DYNC2H1: variants seen among roughly 807,000 people sequenced by gnomAD.
DYNC2H1 encodes the protein cytoplasmic dynein 2 heavy chain 1.
DYNC2H1 carries 410 observed loss-of-function variants against 570.0 expected under a neutral mutation model. That is an observed-to-expected ratio of 0.72 (90% CI 0.66 to 0.78). The LOEUF (loss-of-function observed/expected upper bound fraction) is 0.78, where lower values mean the gene tolerates loss of function less well. Ranked by LOEUF, DYNC2H1 falls within the 30% of genes least tolerant of loss-of-function variation. The pLI, the probability that DYNC2H1 is intolerant of heterozygous loss-of-function variation, is 0.00. For missense variants in DYNC2H1, 4,865 were observed against 5,046.4 expected, an observed-to-expected ratio of 0.96 and a Z score of 1.09; for synonymous variants, 1,688 against 1,677.6, an observed-to-expected ratio of 1.01 and a Z score of -0.15.
rs1279044292 is a variant in DYNC2H1 at position 103,170,656 on chromosome 11, G to A, written c.5152-230G>A. Among the ~76,000 whole-genome samples, 1 of 152,064 alleles carries A rather than the reference G, an allele frequency of 6.6e-6. No homozygotes were observed. The highest frequency in any genetic ancestry group is 6.5e-5 in the Admixed American group (1 of 15,274). On this transcript the variant is annotated intron_variant, in intron 33 of 88. Transcript: ENST00000375735. The surrounding 1 kb of genome is among the most constrained non-coding windows in gnomAD (Gnocchi z 4.8). ...TTAAAGAGTAACTAACACAAATCTT[G>A]TATTTTTTCTGCAAGCTTTTTAGAA...
Position 103,465,889 on chromosome 11 carries a change from T to TA in DYNC2H1, c.12649-2696dup, listed in dbSNP as rs905281877. Among the ~76,000 whole-genome samples the TA allele has an allele frequency of 4.3e-4, 66 of 152,144 alleles. 1 individual carries two copies. The highest frequency in any genetic ancestry group is 1.5e-3 in the African/African-American group (64 of 41,436). ...CCACATTCTATTGGTCAAAGCAATT[T>TA]AAAAGACCAGCCCAAGTTCAAGGGG... On this transcript the variant is annotated intron_variant, in intron 87 of 88. Coordinates refer to ENST00000375735, the MANE Select transcript of DYNC2H1 (RefSeq NM_001377.3). The surrounding 1 kb of genome is among the most constrained non-coding windows in gnomAD (Gnocchi z 4.9).
chr11:103,216,083 G>A (rs1005248651), intron 55 of DYNC2H1, among the ~76,000 whole-genome samples: 3 of 152,082 alleles, frequency 2.0e-5, no homozygotes, highest in South Asian at 2.1e-4. Context: ...TGCAACTTAT[G>A]TAAACTCTTT....
intron 17 of DYNC2H1, among the ~76,000 whole-genome samples, chr11:103,137,684 G>T (rs1254731313): frequency 1.3e-5 from 2 of 151,806 alleles, no homozygotes; most frequent in East Asian, 3.9e-4. Context: ...TTGTTCTTTT[G>T]GCTTAGGATT....
At chr11:103,339,725 C>A (rs1364085086) in intron 82 of DYNC2H1, among the ~76,000 whole-genome samples, 1 of 152,220 alleles carries the variant, frequency 6.6e-6, no homozygotes, top group Non-Finnish European at 1.5e-5. Context: ...CAGTGCAGCA[C>A]TGGGGCTTGC....
intron 11 of DYNC2H1, among the ~76,000 whole-genome samples, chr11:103,123,326 A>G (rs557427735): frequency 6.6e-6 from 1 of 152,270 alleles, no homozygotes; most frequent in South Asian, 2.1e-4. Flanking sequence ...GCACACACAC[A>G]CATACACTTT....
chr11:103,117,232 G>GTATATATATATTTAATATATA (rs1858449233), intron 5 of DYNC2H1, among the ~76,000 whole-genome samples: 1 of 144,946 alleles, frequency 6.9e-6, no homozygotes, highest in African/African-American at 2.5e-5. Flanking sequence ...TTTAATATAT[G>GTATATATATATTTAATATATA]TATATATATA....
rs1483569562 is a variant in DYNC2H1, at chr11:103,129,786, T to C, written c.1953+781T>C. Among the ~76,000 whole-genome samples, 1 of 152,250 alleles carries C rather than the reference T, an allele frequency of 6.6e-6. No individual in the cohort carries two copies. Among genetic ancestry groups the C allele is most frequent in the Non-Finnish European group, 1.5e-5 (1 of 68,044 alleles). ...ACTAACTTTTTGAAGTCTGTATTTTTAGTCTTCATAGACATGAAATGTTTG... is the reference window on the plus strand; with the variant it reads ...ACTAACTTTTTGAAGTCTGTATTTTCAGTCTTCATAGACATGAAATGTTTG... On this transcript the variant is annotated intron_variant, in intron 13 of 88. Transcript: ENST00000375735. The surrounding 1 kb of genome is among the most constrained non-coding windows in gnomAD (Gnocchi z 4.1).
At chr11:103,327,759 C>A (rs1938571353) in intron 82 of DYNC2H1, among the ~76,000 whole-genome samples, 1 of 152,152 alleles carries the variant, frequency 6.6e-6, no homozygotes, top group Non-Finnish European at 1.5e-5. Context: ...TGCTCCTGGG[C>A]CATTGACAAG....
chr11:103,331,481 C>A (rs1269830579), intron 82 of DYNC2H1, among the ~76,000 whole-genome samples: 1 of 152,178 alleles, frequency 6.6e-6, no homozygotes, highest in African/African-American at 2.4e-5. Context: ...TTGAAACCTG[C>A]ACTGCAAAAA....
rs978511856 is a variant in DYNC2H1, at chr11:103,145,180, C to A, written c.2702+1785C>A. 6.6e-6 allele frequency among the ~76,000 whole-genome samples: 1 copy of A among 152,040 alleles called. No individual in the cohort carries two copies. The highest frequency in any genetic ancestry group is 2.4e-5 in the African/African-American group (1 of 41,382). ...ACAGGCATGAACCACCATGCCCGGC[C>A]ATAATAATTAATTGAATTATCTTGT... On this transcript the variant is annotated intron_variant, in intron 18 of 88. Coordinates refer to ENST00000375735, the MANE Select transcript of DYNC2H1 (RefSeq NM_001377.3). The surrounding 1 kb of genome is among the most constrained non-coding windows in gnomAD (Gnocchi z 4.2).
chr11:103,299,911 C>G lies in DYNC2H1; in HGVS notation c.11096-3182C>G, dbSNP rs548247019. On this transcript the variant is annotated intron_variant, in intron 75 of 88. Coordinates refer to ENST00000375735, the MANE Select transcript of DYNC2H1 (RefSeq NM_001377.3). This position sits in a 1 kb window ranked among gnomAD's most constrained non-coding sequence, Gnocchi z 4.5. ...TCTAGGGTTCAGTACTATTCCATTTCTAAAGTGCAGTTTCCCATTTAATTG... is the reference window on the plus strand; with the variant it reads ...TCTAGGGTTCAGTACTATTCCATTTGTAAAGTGCAGTTTCCCATTTAATTG... Among the ~76,000 whole-genome samples the G allele has an allele frequency of 3.9e-4, 59 of 152,172 alleles. No individual in the cohort carries two copies. Among genetic ancestry groups the G allele is most frequent in the African/African-American group, 1.3e-3 (56 of 41,540 alleles).
intron 79 of DYNC2H1, among the ~76,000 whole-genome samples, chr11:103,313,417 A>G (rs1295027099): frequency 6.6e-6 from 1 of 152,162 alleles, no homozygotes; most frequent in Non-Finnish European, 1.5e-5. Flanking sequence ...TCAGCTGTAA[A>G]TTGCATCACT....
chr11:103,128,087 T>A (rs1273986555), intron 12 of DYNC2H1, among the ~76,000 whole-genome samples: 1 of 152,216 alleles, frequency 6.6e-6, no homozygotes, highest in Non-Finnish European at 1.5e-5. Flanking sequence ...AGATGCAGAA[T>A]TCTAGAAGGA....
Position 103,325,442 on chromosome 11 carries a change from C to T in DYNC2H1, c.12039+1452C>T, listed in dbSNP as rs1403094014. ...CTTCTTCACATGGCTAGGTAGTTAACCCAGTACCATTTATTGAATAGGAAG... is the reference window on the plus strand; with the variant it reads ...CTTCTTCACATGGCTAGGTAGTTAATCCAGTACCATTTATTGAATAGGAAG... On this transcript the variant is annotated intron_variant, in intron 82 of 88. Transcript: ENST00000375735. This position sits in a 1 kb window ranked among gnomAD's most constrained non-coding sequence, Gnocchi z 4.8. Among the ~76,000 whole-genome samples the T allele has an allele frequency of 6.6e-6, 1 of 152,152 alleles. No homozygotes were observed. Among genetic ancestry groups the T allele is most frequent in the African/African-American group, 2.4e-5 (1 of 41,416 alleles).
At chr11:103,341,160 A>G (rs987197554) in intron 82 of DYNC2H1, among the ~76,000 whole-genome samples, 3 of 152,194 alleles carry the variant, frequency 2.0e-5, no homozygotes, top group Non-Finnish European at 4.4e-5. Context: ...TGCTATCTGT[A>G]TACTTCACTT....
chr11:103,122,226 A>T (rs1452071568), intron 10 of DYNC2H1, among the ~76,000 whole-genome samples: 2 of 152,312 alleles, frequency 1.3e-5, no homozygotes, highest in East Asian at 3.9e-4. Context: ...ATAGTCTGTG[A>T]GTAAGAGCAA....
rs377702190 is a variant in DYNC2H1 at position 103,334,341 on chromosome 11, C to T, written c.12039+10351C>T. On this transcript the variant is annotated intron_variant, in intron 82 of 88. Transcript: ENST00000375735. The surrounding 1 kb of genome is among the most constrained non-coding windows in gnomAD (Gnocchi z 4.3). ...GGGGTAAATTTAGGTATTTCTGGCA[C>T]GGATAGGGTAGAACAGAATTTGGCT... Among the ~76,000 whole-genome samples the T allele has an allele frequency of 5.9e-5, 9 of 151,914 alleles. No homozygotes were observed. Among genetic ancestry groups the T allele is most frequent in the South Asian group, 4.2e-4 (2 of 4,818 alleles).
intron 28 of DYNC2H1, among the ~76,000 whole-genome samples, chr11:103,160,587 G>C (rs1050950290): frequency 3.3e-5 from 5 of 152,062 alleles, no homozygotes; most frequent in South Asian, 4.1e-4. Context: ...AGTTGATTAG[G>C]TTGCCTAAAT....
intron 75 of DYNC2H1, among the ~76,000 whole-genome samples, chr11:103,300,890 C>T (rs551651116): frequency 2.9e-5 from 4 of 137,844 alleles, no homozygotes; most frequent in Non-Finnish European, 5.0e-5. Context: ...ATAAAATACA[C>T]TTAAGTCAGT....
Sources: allele counts gnomAD v4.1 joint callset (sites outside exome capture counted in the v4.1 genomes callset), GRCh38; gene constraint gnomAD v4.1.1; non-coding constraint Gnocchi (gnomAD v3.1); transcripts MANE v1.5; gene names NCBI Gene and HGNC (gene_info 2026-07-23, HGNC 2026-07-21).